Variants in CDH8 observed in about 807,000 individuals in gnomAD.
CDH8 encodes cadherin 8, also known as cadherin-8.
Under a neutral mutation model 68.1 loss-of-function variants are expected in CDH8, and 17 were observed. The ratio of observed to expected loss-of-function variants is 0.25; its 90% CI spans 0.17 to 0.37. The LOEUF (loss-of-function observed/expected upper bound fraction) is 0.37, where lower values mean the gene tolerates loss of function less well. Ranked by LOEUF, CDH8 falls within the 10% of genes least tolerant of loss-of-function variation. The pLI is 1.00. For synonymous variants in CDH8, 372 were observed against 365.1 expected (o/e 1.02, Z -0.21); for missense variants, 763 against 999.3 (o/e 0.76, Z 3.19).
At chr16:61,818,224 A>G (rs923623928) in intron 6 of CDH8, among the ~76,000 whole-genome samples, 12 of 152,150 alleles carry the variant, frequency 7.9e-5, no homozygotes, top group African/African-American at 2.7e-4. Flanking sequence ...ATTATAAAGC[A>G]TAATTTAGCA....
chr16:62,005,534 G>A (rs552363243), intron 2 of CDH8, among the ~76,000 whole-genome samples: 4 of 151,660 alleles, frequency 2.6e-5, no homozygotes, highest in East Asian at 2.0e-4. Flanking sequence ...ACAGGAGATC[G>A]AGACCATCCT....
At chr16:61,737,044 A>G (rs1294524352) in intron 8 of CDH8, among the ~76,000 whole-genome samples, 2 of 152,166 alleles carry the variant, frequency 1.3e-5, no homozygotes, top group Non-Finnish European at 2.9e-5. Flanking sequence ...CTTGACTTCT[A>G]CCATTTGAGT....
intron 2 of CDH8, among the ~76,000 whole-genome samples, chr16:61,941,566 C>T (rs1964725340): frequency 1.3e-5 from 2 of 152,198 alleles, no homozygotes; most frequent in Admixed American, 1.3e-4. Context: ...TCTCCTGCCT[C>T]AGCCTCCCAA....
intron 10 of CDH8, among the ~76,000 whole-genome samples, chr16:61,682,665 G>GAA (rs55989060): frequency 2.0e-5 from 3 of 148,338 alleles, no homozygotes; most frequent in Non-Finnish European, 4.5e-5. Flanking sequence ...AGAAGTTTAA[G>GAA]AAAAAAAAAA....
At position 62,021,247 on chromosome 16, in the gene CDH8, G is replaced by C. The variant is rs868138314; in HGVS notation, c.157C>G (p.Gln53Glu). 1 of 1,613,968 alleles carries C rather than the reference G, an allele frequency of 6.2e-7. No homozygotes were observed. The highest frequency in any genetic ancestry group is 8.5e-7 in the Non-Finnish European group (1 of 1,179,930). Residue 53 changes from glutamine to glutamate, a missense_variant, in exon 2 of 12, where the codon CAG (glutamine) becomes GAG (glutamate). Gln to Glu is a conservative substitution (Grantham distance 29, BLOSUM62 2). Transcript: ENST00000577390. ...PLELNSLGEE[Q>E]RILNRSKRGW... ...CTTTTGGAGCGGTTCAAAATTCGCT[G>C]TTCTTCACCCAGACTGTTTAGTTCC...
At chr16:61,924,143 C>T (rs556816341) in intron 2 of CDH8, among the ~76,000 whole-genome samples, 2 of 151,982 alleles carry the variant, frequency 1.3e-5, no homozygotes, top group African/African-American at 2.4e-5. Flanking sequence ...GTGTTGTTGT[C>T]GTTTTAATCC....
intron 2 of CDH8, among the ~76,000 whole-genome samples, chr16:61,966,744 A>G (rs963518090): frequency 9.2e-5 from 14 of 152,218 alleles, no homozygotes; most frequent in Admixed American, 6.5e-4. Context: ...TAAAATATAG[A>G]AATAAACAAT....
At chr16:61,857,032 C>A in intron 4 of CDH8, 87 bp downstream of exon 4, 1 of 1,461,906 alleles carries the variant, frequency 6.8e-7, no homozygotes, top group East Asian at 2.3e-5. Flanking sequence ...AGTACTTACA[C>A]ATAATATTTC....
At chr16:61,904,515 C>T (rs1043290282) in intron 2 of CDH8, among the ~76,000 whole-genome samples, 5 of 151,956 alleles carry the variant, frequency 3.3e-5, no homozygotes, top group South Asian at 2.1e-4. Context: ...AGCAGATGAG[C>T]GAACATTACT....
chr16:61,997,133 A>C (rs1965819010), intron 2 of CDH8, among the ~76,000 whole-genome samples: 1 of 152,110 alleles, frequency 6.6e-6, no homozygotes, highest in Non-Finnish European at 1.5e-5. Context: ...ATAAAGTCAT[A>C]ATTTTAATGT....
intron 10 of CDH8, among the ~76,000 whole-genome samples, chr16:61,695,878 T>C (rs1964316123): frequency 6.6e-6 from 1 of 152,190 alleles, no homozygotes. Context: ...TTTGCGGATG[T>C]TTCAAATGAC....
At chr16:61,711,614 A>C (rs1446782121) in intron 10 of CDH8, 1 of 151,710 alleles carries the variant, frequency 6.6e-6, no homozygotes, top group East Asian at 1.9e-4. Context: ...GTGCCAAGTA[A>C]GTAGTGGTCT....
intron 8 of CDH8, among the ~76,000 whole-genome samples, chr16:61,779,423 TTATGTGTG>T (rs1012203691): frequency 6.2e-5 from 4 of 64,032 alleles, no homozygotes; most frequent in Non-Finnish European, 1.4e-4. Context: ...TAATGTTCGT[TTATGTGTG>T]TGTGTGTGTG....
chr16:61,685,849 T>G (rs2142815612), intron 10 of CDH8, among the ~76,000 whole-genome samples: 1 of 152,118 alleles, frequency 6.6e-6, no homozygotes, highest in South Asian at 2.1e-4. Flanking sequence ...TCAGTGGCTC[T>G]AAATCAAAGC....
intron 3 of CDH8, among the ~76,000 whole-genome samples, chr16:61,866,129 T>C (rs1963248934): frequency 6.6e-6 from 1 of 151,710 alleles, no homozygotes; most frequent in Non-Finnish European, 1.5e-5. Context: ...GAGGCTGAGG[T>C]TGGAGGATCA....
chr16:61,884,525 C>T (rs1963636946), intron 3 of CDH8, among the ~76,000 whole-genome samples: 1 of 151,946 alleles, frequency 6.6e-6, no homozygotes, highest in Non-Finnish European at 1.5e-5. Context: ...AGCTCTGTGC[C>T]ACCACACCCG....
At chr16:61,766,980 C>T (rs1960612254) in intron 8 of CDH8, among the ~76,000 whole-genome samples, 1 of 151,928 alleles carries the variant, frequency 6.6e-6, no homozygotes, top group African/African-American at 2.4e-5. Flanking sequence ...TTGGATAAAA[C>T]AATCTGCAGC....
intron 10 of CDH8, among the ~76,000 whole-genome samples, chr16:61,678,538 T>G (rs947377976): frequency 6.8e-6 from 1 of 146,728 alleles, no homozygotes; most frequent in Non-Finnish European, 1.5e-5. Flanking sequence ...ACCTTCTCTT[T>G]TTTTTATACT....
intron 2 of CDH8, among the ~76,000 whole-genome samples, chr16:61,991,430 G>A (rs920676783): frequency 2.6e-5 from 4 of 152,156 alleles, no homozygotes; most frequent in African/African-American, 7.2e-5. Flanking sequence ...ATGCAAATGC[G>A]TAAAGGACTC....
Sources: allele counts gnomAD v4.1 joint callset (sites outside exome capture counted in the v4.1 genomes callset), GRCh38; gene constraint gnomAD v4.1.1; transcripts MANE v1.5; gene names NCBI Gene and HGNC (gene_info 2026-07-23, HGNC 2026-07-21).